LMNTD2: variants seen among roughly 807,000 people sequenced by gnomAD.
LMNTD2 encodes lamin tail domain-containing protein 2.
A neutral mutation model predicts 70.1 loss-of-function variants in LMNTD2; 83 were observed. The ratio of observed to expected loss-of-function variants is 1.18; its 90% CI spans 0.99 to 1.42. The LOEUF is 1.42. Ranked by LOEUF, LMNTD2 falls within the 40% of genes most tolerant of loss-of-function variation. The pLI is 0.00. For synonymous variants in LMNTD2, 534 were observed against 406.1 expected, an observed-to-expected ratio of 1.31 and a Z score of -3.79; for missense variants, 1,153 against 905.9, an observed-to-expected ratio of 1.27 and a Z score of -3.50.
rs758052962 is a variant in LMNTD2 at position 558,944 on chromosome 11, C to G, written c.70G>C (p.Ala24Pro). ...ESVSGHLGPPAGAPAAPETPT... is the reference protein window; with the variant it reads ...ESVSGHLGPPPGAPAAPETPT... ...GTCTCGGGGGCTGCAGGTGCGCCTG[C>G]TGGAGGTCCCAGGTGACCACTGACC... Residue 24 changes from alanine to proline, a missense_variant, in exon 2 of 14, where the codon GCA becomes CCA. By Grantham distance (27) the Ala-to-Pro change is conservative. Transcript: ENST00000329451. 1 of 1,605,264 alleles carries G rather than the reference C, an allele frequency of 6.2e-7. No individual in the cohort carries two copies. The highest frequency in any genetic ancestry group is 2.2e-5 in the East Asian group (1 of 44,858).
At chr11:555,146 G>A (rs780413295) in intron 13 of LMNTD2, 35 bp from the exon 14 acceptor site, 1 of 1,027,626 alleles carries the variant, frequency 9.7e-7, no homozygotes, top group Admixed American at 4.0e-5. Context: ...CGCGCGGGGC[G>A]GGGCGGGGAC....
At chr11:557,196 C>T (rs1852944551) in intron 7 of LMNTD2, 99 bp from the exon 8 acceptor site, 1 of 1,461,560 alleles carries the variant, frequency 6.8e-7, no homozygotes, top group Non-Finnish European at 9.1e-7. Flanking sequence ...CCCCTCTTGC[C>T]TCCCAGTACC....
chr11:556,641 G>T, intron 8 of LMNTD2, 53 bp from the exon 9 acceptor site: 1 of 1,440,864 alleles, frequency 6.9e-7, no homozygotes, highest in Non-Finnish European at 9.2e-7. Flanking sequence ...GTCCCCACCG[G>T]ATGTTCCCCG....
chr11:555,774 C>CT lies in LMNTD2; in HGVS notation c.1533dup (p.Gly512ArgfsTer54). ...CTGACCCGGGGCTCCCGCACCCGGC[C>CT]TTTGCGCAGGGGTCGAGGTGGGCGC... On this transcript the variant is annotated frameshift_variant, in exon 12 of 14. Transcript: ENST00000329451. LOFTEE classifies it high-confidence loss of function. 6.8e-7 allele frequency: 1 copy of CT among 1,476,242 alleles called. No homozygotes were observed. The highest frequency in any genetic ancestry group is 8.9e-7 in the Non-Finnish European group (1 of 1,127,090). 91.4% of individuals were successfully genotyped at this position (1,476,242 alleles called of 1,614,324 possible).
At position 557,589 on chromosome 11, in the gene LMNTD2, G is replaced by A. The variant is rs1852981946; in HGVS notation, c.607C>T (p.Gln203Ter). 6.2e-7 allele frequency: 1 copy of A among 1,613,374 alleles called. No homozygotes were observed. The highest frequency in any genetic ancestry group is 8.5e-7 in the Non-Finnish European group (1 of 1,179,854). Residue 203 changes from glutamine to a stop codon, truncating the protein, a stop_gained, in exon 6 of 14, where the codon CAG (glutamine) becomes TAG (stop). Transcript: ENST00000329451. LOFTEE classifies it high-confidence loss of function. ...MDPSDLSENI[Q>*]APTGEGFRLE... ...TAGCTCACCTCCCCGGTGGGGGCCTGAATGTTTTCAGAGAGGTCGCTTGGG... is the reference window on the plus strand; with the variant it reads ...TAGCTCACCTCCCCGGTGGGGGCCTAAATGTTTTCAGAGAGGTCGCTTGGG...
chr11:560,495 T>A, intron 1 of LMNTD2, 188 bp downstream of exon 1: 1 of 1,260,064 alleles, frequency 7.9e-7, no homozygotes, highest in East Asian at 3.2e-5. Flanking sequence ...CCCCTGCGCG[T>A]CCAGACTACT....
At position 555,381 on chromosome 11, in the gene LMNTD2, G is replaced by T. The variant is rs746587921; in HGVS notation, c.1697C>A (p.Pro566His). 1 of 1,414,550 alleles carries T rather than the reference G, an allele frequency of 7.1e-7. No individual in the cohort carries two copies. 87.6% of individuals were successfully genotyped at this position (1,414,550 alleles called of 1,614,324 possible). A position where few individuals can be genotyped will look rare whatever the true frequency, so the allele number is the denominator to read the frequency against. Residue 566 changes from proline (P) to histidine (H), a missense_variant, in exon 13 of 14, where the codon CCC becomes CAC. Pro to His is a moderately conservative substitution (Grantham distance 77). Coordinates refer to ENST00000329451, the MANE Select transcript of LMNTD2 (RefSeq NM_173573.3). ...PQHLPAIPGD[P>H]TLPSPPAEAG... ...CTCTGCGGGAGGCGACGGCAGGGTG[G>T]GGTCACCCGGGATGGCGGGCAGGTG...
chr11:560,361 G>A (rs1853197856), intron 1 of LMNTD2: 2 of 1,173,260 alleles, frequency 1.7e-6, no homozygotes, highest in Non-Finnish European at 2.1e-6. Flanking sequence ...GAAGGTGTCG[G>A]AGAAGAGCCT....
chr11:559,836 G>C (rs575223848), intron 1 of LMNTD2: 1 of 871,498 alleles, frequency 1.1e-6, no homozygotes. Flanking sequence ...GACAGCGCAC[G>C]TTAACCTCGA....
At chr11:555,630 C>T (rs934384134) in intron 12 of LMNTD2, 104 bp downstream of exon 12, 2 of 1,261,406 alleles carry the variant, frequency 1.6e-6, no homozygotes, top group Non-Finnish European at 2.0e-6. Flanking sequence ...GGGGCGGGGC[C>T]TGGGGAAGTA....
At position 557,442 on chromosome 11, in the gene LMNTD2, A is replaced by T; in HGVS notation, c.670T>A (p.Tyr224Asn). ...TCCATGTTGGTGAAGAGGTTGGGAT[A>T]CCGGCGGGCAACGCTGTTCCAATCC... ...DVDWNSVARR[Y>N]PNLFTNMEPS... Residue 224 changes from tyrosine to asparagine, a missense_variant, in exon 7 of 14, where the codon TAT becomes AAT. Physicochemically the swap from Tyr to Asn is moderately radical, Grantham distance 143. Transcript: ENST00000329451. The T allele has an allele frequency of 1.9e-6, 3 of 1,608,836 alleles. No individual in the cohort carries two copies. The highest frequency in any genetic ancestry group is 2.5e-6 in the Non-Finnish European group (3 of 1,177,536).
chr11:559,517 G>A (rs1034308905), intron 1 of LMNTD2: 2 of 1,268,628 alleles, frequency 1.6e-6, no homozygotes, highest in Non-Finnish European at 2.1e-6. Context: ...GGTGTGAGAG[G>A]CTGAGCCACT....
At chr11:560,396 C>T in intron 1 of LMNTD2, 5 of 1,216,060 alleles carry the variant, frequency 4.1e-6, no homozygotes, top group South Asian at 3.8e-5. Context: ...GCCTTCTGAG[C>T]GGGCACCTCC....
In LMNTD2 at chr11:558,631, C is replaced by T. The variant is rs1208627929; in HGVS notation, c.294G>A (p.Ala98=). ...CTGCAGACCTCTTGGGCGGAAGCCCCGCCACCTCTTCCAGGATGTGGCAGA... is the reference window on the plus strand; with the variant it reads ...CTGCAGACCTCTTGGGCGGAAGCCCTGCCACCTCTTCCAGGATGTGGCAGA... The part of the protein sequence containing the change: ...ARLCHILEEV[A]GLPPKRSSHS... The change falls in exon 3 of 14, where the codon GCG becomes GCA. Residue 98 remains alanine, a synonymous_variant. Coordinates refer to ENST00000329451, the MANE Select transcript of LMNTD2 (RefSeq NM_173573.3). 8 of 1,606,980 alleles carry T rather than the reference C, an allele frequency of 5.0e-6. No homozygotes were observed. Among genetic ancestry groups the T allele is most frequent in the Middle Eastern group, 2.2e-4 (1 of 4,518 alleles).
intron 9 of LMNTD2, 38 bp downstream of exon 9, chr11:556,454 C>T: frequency 2.6e-6 from 4 of 1,548,656 alleles, no homozygotes; most frequent in African/African-American, 1.4e-5. Flanking sequence ...AAACCAGCTC[C>T]AGTCCGGCGC....
rs1852933692 is a variant in LMNTD2 at position 557,012 on chromosome 11, A to T, written c.799T>A (p.Trp267Arg). The T allele has an allele frequency of 6.2e-7, 1 of 1,608,846 alleles. No individual in the cohort carries two copies. Among genetic ancestry groups the T allele is most frequent in the African/African-American group, 1.3e-5 (1 of 74,770 alleles). ...HSERHHKTVE[W>R]GSLPCLNTSS... ...GTGTTCAGACAGGGCAGGGAGCCCC[A>T]CTCCACGGTCTTGTGATGCCGCTCG... Residue 267 changes from tryptophan to arginine, a missense_variant, in exon 8 of 14, where the codon TGG becomes AGG. Coordinates refer to ENST00000329451, the MANE Select transcript of LMNTD2 (RefSeq NM_173573.3).
At chr11:560,413 A>G in intron 1 of LMNTD2, 2 of 1,232,180 alleles carry the variant, frequency 1.6e-6, no homozygotes, top group South Asian at 7.2e-5. Context: ...CTCCCGCACC[A>G]GGACTCTGCG....
At position 556,366 on chromosome 11, in the gene LMNTD2, G is replaced by A. The variant is rs1852873060; in HGVS notation, c.1083C>T (p.Gly361=). ...GGCAGCTCACAGCCACGATCTTCAG[G>A]CCTGTCGGGCTGGGAAGAGAGGAGA... ...WSPELLQSPT[G]LKIVAVSCRE... is the part of the protein sequence containing the mutation. Residue 361 remains glycine (G), a synonymous_variant, in exon 10 of 14, where the codon GGC becomes GGT. Coordinates refer to ENST00000329451, the MANE Select transcript of LMNTD2 (RefSeq NM_173573.3). 1.3e-6 allele frequency: 2 copies of A among 1,536,316 alleles called. No homozygotes were observed. Among genetic ancestry groups the A allele is most frequent in the Non-Finnish European group, 8.7e-7 (1 of 1,146,128 alleles).
chr11:560,327 T>G (rs1318907658), intron 1 of LMNTD2: 10 of 1,102,760 alleles, frequency 9.1e-6, no homozygotes, highest in Non-Finnish European at 1.1e-5. Context: ...GTGCATGGCC[T>G]GGCACTGGGT....
Sources: allele counts gnomAD v4.1 joint callset, GRCh38; gene constraint gnomAD v4.1.1; transcripts MANE v1.5; gene names NCBI Gene and HGNC (gene_info 2026-07-23, HGNC 2026-07-21).